The following EEFSEC variants were observed in gnomAD, a reference collection of about 807,000 sequenced individuals.
EEFSEC encodes eukaryotic elongation factor, selenocysteine-tRNA specific, also known as selenocysteine-specific elongation factor.
A neutral mutation model predicts 42.1 loss-of-function variants in EEFSEC; 43 were observed. The observed-to-expected ratio is 1.02, with a 90% CI of 0.80 to 1.32. The LOEUF (loss-of-function observed/expected upper bound fraction) is 1.32. Ranked by LOEUF, EEFSEC falls within the 40% of genes most tolerant of loss-of-function variation. The probability of loss-of-function intolerance (pLI) is 0.00; values close to 1 mark genes in which losing one functional copy is unlikely to be tolerated. For missense variants in EEFSEC, 745 were observed against 803.6 expected (o/e 0.93, Z 0.88); for synonymous variants, 354 against 339.1 (o/e 1.04, Z -0.48).
At chr3:128,277,359 G>A (rs1020420692) in intron 4 of EEFSEC, among the ~76,000 whole-genome samples, 2 of 152,146 alleles carry the variant, frequency 1.3e-5, no homozygotes, top group Non-Finnish European at 2.9e-5. Context: ...ATTTAAAAAA[G>A]GCACTTGCCT....
In EEFSEC at chr3:128,288,167, A is replaced by G. The variant is rs942020581; in HGVS notation, c.786+23386A>G. Among the ~76,000 whole-genome samples, 5 of 152,180 alleles carry G rather than the reference A, an allele frequency of 3.3e-5. No individual in the cohort carries two copies. The East Asian group carries it at 5.8e-4, about 18-fold the overall frequency. On this transcript the variant is annotated intron_variant, in intron 4 of 6. Coordinates refer to ENST00000254730, the MANE Select transcript of EEFSEC (RefSeq NM_021937.5). ...TTCTTTTAAAGTGTAAATGTTTGGC[A>G]CAGGTGCTTTTTTCAGTTATTTCAA... is the stretch of plus-strand genomic sequence containing the variant.
intron 6 of EEFSEC, among the ~76,000 whole-genome samples, chr3:128,382,321 G>A (rs950847237): frequency 2.6e-5 from 4 of 152,240 alleles, no homozygotes; most frequent in African/African-American, 9.6e-5. Flanking sequence ...GCAGAGCAGG[G>A]AGCGTGCAGG....
At chr3:128,404,559 C>T (rs1383929207) in intron 6 of EEFSEC, among the ~76,000 whole-genome samples, 1 of 152,174 alleles carries the variant, frequency 6.6e-6, no homozygotes, top group Non-Finnish European at 1.5e-5. Context: ...GGTCTGCTGC[C>T]AGCTACCTGC....
intron 1 of EEFSEC, among the ~76,000 whole-genome samples, chr3:128,161,506 G>A (rs2065187127): frequency 6.6e-6 from 1 of 151,980 alleles, no homozygotes; most frequent in Admixed American, 6.5e-5. Flanking sequence ...CTCCTGCGTG[G>A]GTCTGACCCT....
chr3:128,211,192 C>T (rs1298841412), intron 1 of EEFSEC, among the ~76,000 whole-genome samples: 1 of 152,158 alleles, frequency 6.6e-6, no homozygotes, highest in Non-Finnish European at 1.5e-5. Flanking sequence ...GGTGCTATTG[C>T]CCTTAGTTGT....
At chr3:128,159,542 C>G (rs1237216024) in intron 1 of EEFSEC, among the ~76,000 whole-genome samples, 1 of 152,208 alleles carries the variant, frequency 6.6e-6, no homozygotes, top group Admixed American at 6.5e-5. Flanking sequence ...AGTGAGTTCT[C>G]ATTGTGCTTG....
chr3:128,311,432 C>G (rs1419794351), intron 4 of EEFSEC, among the ~76,000 whole-genome samples: 2 of 152,162 alleles, frequency 1.3e-5, no homozygotes, highest in Non-Finnish European at 2.9e-5. Context: ...TTTAGCTCCA[C>G]AGTTGTGTTC....
chr3:128,391,788 C>T (rs1462358155), intron 6 of EEFSEC, among the ~76,000 whole-genome samples: 1 of 152,242 alleles, frequency 6.6e-6, no homozygotes, highest in Non-Finnish European at 1.5e-5. Context: ...AGGCAGTCCT[C>T]AGAGTCTGGG....
At chr3:128,190,160 G>A (rs570202780) in intron 1 of EEFSEC, among the ~76,000 whole-genome samples, 10 of 152,344 alleles carry the variant, frequency 6.6e-5, no homozygotes, top group Admixed American at 2.6e-4. Context: ...ACCATGCCCA[G>A]CCGCTCCTTC....
chr3:128,314,418 A>G (rs1380096108), intron 4 of EEFSEC, among the ~76,000 whole-genome samples: 15 of 152,156 alleles, frequency 9.9e-5, no homozygotes, highest in Admixed American at 6.5e-4. Context: ...ATCTCTGCTC[A>G]CTGCAACCTC....
chr3:128,294,961 A>C (rs9878227), intron 4 of EEFSEC, among the ~76,000 whole-genome samples: 6,641 of 152,286 alleles, frequency 0.044, 481 homozygotes, highest in African/African-American at 0.15. Flanking sequence ...TGTGCCTGTC[A>C]GGGAGGGCTG....
At chr3:128,410,158 G>A (rs2068164226), downstream of EEFSEC, among the ~76,000 whole-genome samples, 1 of 152,198 alleles carries the variant, frequency 6.6e-6, no homozygotes, top group Non-Finnish European at 1.5e-5. Flanking sequence ...CTGCTGGTGA[G>A]GGCCAGCACT....
At chr3:128,188,617 G>C (rs2065488865) in intron 1 of EEFSEC, among the ~76,000 whole-genome samples, 1 of 152,222 alleles carries the variant, frequency 6.6e-6, no homozygotes, top group Non-Finnish European at 1.5e-5. Context: ...TTCCACTCCA[G>C]TCCGTTGGTA....
chr3:128,355,547 T>C (rs1246184221), intron 5 of EEFSEC, among the ~76,000 whole-genome samples: 2 of 150,270 alleles, frequency 1.3e-5, no homozygotes, highest in African/African-American at 2.5e-5. Flanking sequence ...TTTAGACTTA[T>C]CCAATTATTT....
At chr3:128,222,437 G>A (rs937941059) in intron 1 of EEFSEC, among the ~76,000 whole-genome samples, 4 of 152,076 alleles carry the variant, frequency 2.6e-5, no homozygotes, top group South Asian at 4.2e-4. Flanking sequence ...CCTGTTACTC[G>A]GGTTAACTAT....
chr3:128,295,571 G>A (rs1464170162), intron 4 of EEFSEC, among the ~76,000 whole-genome samples: 1 of 143,256 alleles, frequency 7.0e-6, no homozygotes, highest in Non-Finnish European at 1.5e-5. Flanking sequence ...AACAATTCCA[G>A]GGCCTTCCAA....
In EEFSEC at chr3:128,264,848, G is replaced by T; in HGVS notation, c.786+67G>T. 4.6e-6 allele frequency: 7 copies of T among 1,534,074 alleles called. No individual in the cohort carries two copies. In the African/African-American group the frequency reaches 5.4e-5, roughly 12 times the overall value. The stretch of plus-strand genomic sequence containing the variant: ...AGCAAGGGAGGGGGACTGTCCCTTT[G>T]TCTGTTCAGCTGCTGAGCCTGCTGC... On this transcript the variant is annotated intron_variant, in intron 4 of 6. Transcript: ENST00000254730.
At chr3:128,156,485 A>G (rs1944383639) in intron 1 of EEFSEC, among the ~76,000 whole-genome samples, 1 of 152,186 alleles carries the variant, frequency 6.6e-6, no homozygotes, top group Non-Finnish European at 1.5e-5. Context: ...ACTTGATTGT[A>G]CTTTGCAGAT....
chr3:128,161,609 G>A (rs1346171565), intron 1 of EEFSEC, among the ~76,000 whole-genome samples: 1 of 152,164 alleles, frequency 6.6e-6, no homozygotes, highest in Non-Finnish European at 1.5e-5. Context: ...AAACATCCAA[G>A]AGCCTACAAG....
Sources: allele counts gnomAD v4.1 joint callset (sites outside exome capture counted in the v4.1 genomes callset), GRCh38; gene constraint gnomAD v4.1.1; transcripts MANE v1.5; gene names NCBI Gene and HGNC (gene_info 2026-07-23, HGNC 2026-07-21).